CA10: variants seen among roughly 807,000 people sequenced by gnomAD.
CA10 encodes the protein carbonic anhydrase-related protein 10.
In CA10, 14 loss-of-function variants were observed where a neutral mutation model predicts 44.2. The observed-to-expected ratio is 0.32, with a 90% CI of 0.21 to 0.50. CA10 has a LOEUF of 0.50. Ranked by LOEUF, CA10 falls within the 20% of genes least tolerant of loss-of-function variation. The probability of loss-of-function intolerance (pLI) is 0.99; values close to 1 mark genes in which losing one functional copy is unlikely to be tolerated. For missense variants in CA10, 350 were observed against 409.7 expected, an observed-to-expected ratio of 0.85 and a Z score of 1.26; for synonymous variants, 159 against 141.6, an observed-to-expected ratio of 1.12 and a Z score of -0.87.
chr17:51,833,108 A>G (rs1908343435), intron 3 of CA10, among the ~76,000 whole-genome samples: 1 of 152,140 alleles, frequency 6.6e-6, no homozygotes. Context: ...GGAACCAAAC[A>G]CAGGTGTAGA....
chr17:51,633,148 G>A (rs1912663379), intron 8 of CA10, among the ~76,000 whole-genome samples: 1 of 151,964 alleles, frequency 6.6e-6, no homozygotes, highest in African/African-American at 2.4e-5. Flanking sequence ...GGGTTTTAAA[G>A]GTTTGATATA....
At chr17:52,142,794 T>C (rs1359074779) in intron 1 of CA10, among the ~76,000 whole-genome samples, 1 of 152,136 alleles carries the variant, frequency 6.6e-6, no homozygotes, top group Non-Finnish European at 1.5e-5. Flanking sequence ...GATGGGGTTA[T>C]TTTTATCTCC....
intron 2 of CA10, among the ~76,000 whole-genome samples, chr17:51,962,398 G>A (rs373673934): frequency 7.2e-5 from 11 of 152,320 alleles, no homozygotes; most frequent in East Asian, 5.8e-4. Context: ...GGGCCTGCCC[G>A]GTCTGACCTC....
chr17:52,052,614 G>A (rs922427819), intron 2 of CA10, among the ~76,000 whole-genome samples: 1 of 152,050 alleles, frequency 6.6e-6, no homozygotes, highest in African/African-American at 2.4e-5. Context: ...AAGATATCAA[G>A]TGAATAGGAT....
chr17:52,065,125 G>A (rs1395821443), intron 2 of CA10, among the ~76,000 whole-genome samples: 3 of 152,108 alleles, frequency 2.0e-5, no homozygotes, highest in African/African-American at 7.2e-5. Flanking sequence ...TCATGCCCAC[G>A]CTTGAGGCTC....
chr17:51,795,857 C>A (rs16950528), intron 3 of CA10, among the ~76,000 whole-genome samples: 1 of 152,184 alleles, frequency 6.6e-6, no homozygotes, highest in African/African-American at 2.4e-5. Context: ...CATACTAATG[C>A]TTCCAAATGT....
chr17:52,023,529 A>G (rs1461198367), intron 2 of CA10, among the ~76,000 whole-genome samples: 1 of 152,206 alleles, frequency 6.6e-6, no homozygotes, highest in Admixed American at 6.6e-5. Flanking sequence ...AGAAAACCTA[A>G]GAAATACCCT....
At chr17:51,794,854 T>C (rs1036860170) in intron 3 of CA10, among the ~76,000 whole-genome samples, 3 of 152,186 alleles carry the variant, frequency 2.0e-5, no homozygotes, top group Non-Finnish European at 2.9e-5. Flanking sequence ...TACTTGAGGA[T>C]TTTCAAACAT....
At chr17:51,805,590 G>T (rs1374654683) in intron 3 of CA10, among the ~76,000 whole-genome samples, 1 of 152,128 alleles carries the variant, frequency 6.6e-6, no homozygotes, top group African/African-American at 2.4e-5. Context: ...AACTCCCCAA[G>T]AACATTTTTA....
At chr17:51,941,935 ACACT>A (rs1296750458) in intron 2 of CA10, among the ~76,000 whole-genome samples, 5 of 152,066 alleles carry the variant, frequency 3.3e-5, no homozygotes, top group African/African-American at 4.8e-5. Flanking sequence ...TATCCCTTTA[ACACT>A]CACTCTCTCT....
At chr17:51,714,305 C>T (rs2143500962) in intron 4 of CA10, among the ~76,000 whole-genome samples, 1 of 152,280 alleles carries the variant, frequency 6.6e-6, no homozygotes, top group African/African-American at 2.4e-5. Flanking sequence ...AAACTGAGTT[C>T]CGTCATTTGC....
chr17:52,087,083 G>T (rs1988135423), intron 1 of CA10, among the ~76,000 whole-genome samples: 1 of 152,116 alleles, frequency 6.6e-6, no homozygotes, highest in African/African-American at 2.4e-5. Flanking sequence ...AACTCAATTG[G>T]CTACAGAAGA....
intron 1 of CA10, among the ~76,000 whole-genome samples, chr17:52,096,876 C>A (rs1395514727): frequency 1.3e-5 from 2 of 152,078 alleles, no homozygotes; most frequent in Non-Finnish European, 2.9e-5. Context: ...CCCTATCTAT[C>A]CTTTGTAACT....
intron 4 of CA10, among the ~76,000 whole-genome samples, chr17:51,738,951 T>C (rs1904351372): frequency 6.6e-6 from 1 of 152,208 alleles, no homozygotes; most frequent in Admixed American, 6.5e-5. Flanking sequence ...TCTCTTGCCC[T>C]TTCTGGCATT....
intron 3 of CA10, 111 bp from the exon 4 acceptor site, chr17:51,747,929 G>T: frequency 2.6e-6 from 2 of 767,128 alleles, no homozygotes; most frequent in Admixed American, 2.8e-5. Flanking sequence ...TGGGAAGATG[G>T]GCTAAATCCA....
At chr17:51,917,666 C>T (rs1982058290) in intron 3 of CA10, among the ~76,000 whole-genome samples, 1 of 152,166 alleles carries the variant, frequency 6.6e-6, no homozygotes, top group South Asian at 2.1e-4. Flanking sequence ...GAAGATGCCA[C>T]ACATTTTTAA....
At chr17:52,080,724 T>C (rs1162845828) in intron 1 of CA10, among the ~76,000 whole-genome samples, 1 of 152,106 alleles carries the variant, frequency 6.6e-6, no homozygotes, top group Non-Finnish European at 1.5e-5. Flanking sequence ...CTCTGCCCTT[T>C]TTCCCCCCGA....
At chr17:51,692,598 T>C (rs1915250837) in intron 4 of CA10, among the ~76,000 whole-genome samples, 1 of 152,224 alleles carries the variant, frequency 6.6e-6, no homozygotes, top group African/African-American at 2.4e-5. Flanking sequence ...GCAGTGAAAG[T>C]GAACATCCTT....
At chr17:52,124,306 T>C (rs1989073326) in intron 1 of CA10, among the ~76,000 whole-genome samples, 1 of 152,166 alleles carries the variant, frequency 6.6e-6, no homozygotes, top group Non-Finnish European at 1.5e-5. Context: ...AACTTATTAT[T>C]GGTCCCATTC....
Sources: allele counts gnomAD v4.1 joint callset (sites outside exome capture counted in the v4.1 genomes callset), GRCh38; gene constraint gnomAD v4.1.1; transcripts MANE v1.5; gene names NCBI Gene and HGNC (gene_info 2026-07-23, HGNC 2026-07-21).